The following CSMD1 variants were observed in gnomAD, a reference collection of about 807,000 sequenced individuals.
CSMD1 encodes CUB and Sushi multiple domains 1, also known as CUB and sushi domain-containing protein 1.
CSMD1 carries 213 observed loss-of-function variants against 417.5 expected under a neutral mutation model. The ratio of observed to expected loss-of-function variants is 0.51; its 90% CI spans 0.46 to 0.57. CSMD1 has a LOEUF of 0.57. CSMD1 is among the 20% of genes least tolerant of loss of function. The probability of loss-of-function intolerance (pLI) is 0.00; values close to 1 mark genes in which losing one functional copy is unlikely to be tolerated. For synonymous variants in CSMD1, 2,862 were observed against 1,736.8 expected (o/e 1.65, Z -16.11); for missense variants, 6,923 against 4,529.7 (o/e 1.53, Z -15.17).
chr8:4,089,169 C>G (rs953582471), intron 3 of CSMD1, among the ~76,000 whole-genome samples: 1 of 152,200 alleles, frequency 6.6e-6, no homozygotes, highest in Non-Finnish European at 1.5e-5. Flanking sequence ...ATTCCCCACT[C>G]TTTATGGTGA....
chr8:4,914,999 G>A (rs573023432), intron 1 of CSMD1, among the ~76,000 whole-genome samples: 3 of 152,090 alleles, frequency 2.0e-5, no homozygotes, highest in African/African-American at 4.8e-5. Flanking sequence ...AATAGCTACC[G>A]TATTTAATTC....
intron 3 of CSMD1, among the ~76,000 whole-genome samples, chr8:4,134,464 G>C (rs1803297745): frequency 6.6e-6 from 1 of 152,268 alleles, no homozygotes; most frequent in South Asian, 2.1e-4. Context: ...GACCTGAGGA[G>C]ATACCAAACC....
intron 15 of CSMD1, among the ~76,000 whole-genome samples, chr8:3,402,880 C>A (rs1011048042): frequency 6.6e-6 from 1 of 151,596 alleles, no homozygotes; most frequent in African/African-American, 2.4e-5. Context: ...ATTTTTTGAT[C>A]ATTTTGTTCT....
At chr8:4,030,761 C>T (rs956870708) in intron 4 of CSMD1, among the ~76,000 whole-genome samples, 1 of 152,106 alleles carries the variant, frequency 6.6e-6, no homozygotes, top group Non-Finnish European at 1.5e-5. Context: ...TGTCAGACTG[C>T]AAAGTTCATG....
intron 2 of CSMD1, among the ~76,000 whole-genome samples, chr8:4,619,699 G>A (rs1036900619): frequency 1.1e-4 from 16 of 152,092 alleles, no homozygotes; most frequent in African/African-American, 3.9e-4. Context: ...GACTTTTGAA[G>A]CTATTGTTGA....
At chr8:4,530,491 C>A (rs1164929930) in intron 2 of CSMD1, among the ~76,000 whole-genome samples, 1 of 151,518 alleles carries the variant, frequency 6.6e-6, no homozygotes, top group African/African-American at 2.4e-5. Flanking sequence ...CTATCCCTCC[C>A]CTTTCCCCCG....
intron 25 of CSMD1, among the ~76,000 whole-genome samples, chr8:3,306,274 T>G (rs1312618600): frequency 1.3e-5 from 2 of 152,158 alleles, no homozygotes; most frequent in Non-Finnish European, 2.9e-5. Context: ...TTTTCATCCT[T>G]CCACATCTTC....
At position 3,424,806 on chromosome 8, in the gene CSMD1, G is replaced by A. The variant is rs1193819921; in HGVS notation, c.1562-15201C>T. 2.6e-5 allele frequency among the ~76,000 whole-genome samples: 4 copies of A among 152,298 alleles called. No individual in the cohort carries two copies. The East Asian group carries it at 7.7e-4, about 29-fold the overall frequency. On this transcript the variant is annotated intron_variant, in intron 12 of 69. Coordinates refer to ENST00000635120, the MANE Select transcript of CSMD1 (RefSeq NM_033225.6). ...GACTTAACAATTGCCCAAGAGTAAT[G>A]AAATTGGCATATTGTTATCATCATT...
In CSMD1 at chr8:3,585,430, C is replaced by A. The variant is rs565558144; in HGVS notation, c.1222+706G>T. 2.0e-5 allele frequency among the ~76,000 whole-genome samples: 3 copies of A among 152,188 alleles called. No individual in the cohort carries two copies. In the South Asian group the frequency reaches 6.2e-4, roughly 32 times the overall value. On this transcript the variant is annotated intron_variant, in intron 9 of 69. Transcript: ENST00000635120. ...CATAAATCATTTTATGGCCAAAATT[C>A]AAAAACAAAACCTCCAAACCCAGCA...
intron 2 of CSMD1, among the ~76,000 whole-genome samples, chr8:4,440,661 C>A (rs1030528340): frequency 1.6e-4 from 25 of 152,166 alleles, no homozygotes; most frequent in African/African-American, 6.0e-4. Flanking sequence ...TACATTTGTG[C>A]TGCTTGAGAA....
intron 23 of CSMD1, among the ~76,000 whole-genome samples, chr8:3,333,014 G>T (rs76447784): frequency 0.011 from 1,609 of 152,292 alleles, 36 homozygotes; most frequent in African/African-American, 0.037. Context: ...TGAGGTGAGG[G>T]CTCCCCATGG....
At chr8:4,964,319 G>C (rs1809704203) in intron 1 of CSMD1, among the ~76,000 whole-genome samples, 1 of 151,662 alleles carries the variant, frequency 6.6e-6, no homozygotes. Flanking sequence ...TTCAACACCA[G>C]CAGGGCAGCA....
intron 23 of CSMD1, among the ~76,000 whole-genome samples, chr8:3,322,907 A>C (rs1442357459): frequency 6.6e-6 from 1 of 152,184 alleles, no homozygotes; most frequent in Non-Finnish European, 1.5e-5. Context: ...TGATTCCTAG[A>C]TAAGTCTCTG....
chr8:4,905,024 G>T (rs1371691591), intron 1 of CSMD1, among the ~76,000 whole-genome samples: 1 of 152,134 alleles, frequency 6.6e-6, no homozygotes. Context: ...TGTGACAGTA[G>T]AAATTAAAAA....
In CSMD1 at chr8:4,182,477, C is replaced by T. The variant is rs1229350878; in HGVS notation, c.416-150378G>A. 5.3e-5 allele frequency among the ~76,000 whole-genome samples: 8 copies of T among 152,152 alleles called. No individual in the cohort carries two copies. In the East Asian group the frequency reaches 1.4e-3, roughly 26 times the overall value. On this transcript the variant is annotated intron_variant, in intron 3 of 69. Coordinates refer to ENST00000635120, the MANE Select transcript of CSMD1 (RefSeq NM_033225.6). ...TGGATTAAAACATTGTTTTAATAAT[C>T]AAATAAGATACGTCACATTATTAGC...
At chr8:3,714,576 A>AAAAAAAAAAAAAT (rs1801720725) in intron 6 of CSMD1, among the ~76,000 whole-genome samples, 1 of 147,922 alleles carries the variant, frequency 6.8e-6, no homozygotes, top group Non-Finnish European at 1.5e-5. Flanking sequence ...AAAAAAAAAA[A>AAAAAAAAAAAAAT]AAAAATTAGC....
At chr8:4,696,584 A>C (rs1436400984) in intron 1 of CSMD1, among the ~76,000 whole-genome samples, 1 of 152,216 alleles carries the variant, frequency 6.6e-6, no homozygotes, top group Non-Finnish European at 1.5e-5. Flanking sequence ...AATAACAGTT[A>C]ATTTCCCCCG....
chr8:3,330,872 T>C (rs1487164636), intron 23 of CSMD1, among the ~76,000 whole-genome samples: 1 of 152,230 alleles, frequency 6.6e-6, no homozygotes, highest in Non-Finnish European at 1.5e-5. Context: ...TTTTTATTTT[T>C]TATTTACCTC....
chr8:4,593,496 A>T (rs1329968570), intron 2 of CSMD1, among the ~76,000 whole-genome samples: 2 of 152,216 alleles, frequency 1.3e-5, no homozygotes, highest in Non-Finnish European at 2.9e-5. Context: ...ACGCTTTTAG[A>T]GTCTTGGATT....
Sources: gnomAD v4.1 joint callset for allele counts (sites outside exome capture counted in the v4.1 genomes callset) on GRCh38, gnomAD v4.1.1 for gene constraint, MANE v1.5 for transcripts, NCBI Gene and HGNC (gene_info 2026-07-23, HGNC 2026-07-21) for gene names.